Variants in C10orf90 observed in about 807,000 individuals in gnomAD.
The protein encoded by C10orf90 is (E2-independent) E3 ubiquitin-conjugating enzyme FATS.
In C10orf90, 56 loss-of-function variants were observed where a neutral mutation model predicts 62.5. That is an observed-to-expected ratio of 0.90 (90% CI 0.72 to 1.12). The LOEUF is 1.12. C10orf90 is among the 50% of genes most tolerant of loss of function. C10orf90 has a pLI of 0.00. For synonymous variants in C10orf90, 386 were observed against 340.4 expected (o/e 1.13, Z -1.47); for missense variants, 970 against 880.4 (o/e 1.10, Z -1.29).
chr10:126,623,218 T>G (rs1331824368), intron 2 of C10orf90, among the ~76,000 whole-genome samples: 1 of 152,146 alleles, frequency 6.6e-6, no homozygotes, highest in Non-Finnish European at 1.5e-5. Flanking sequence ...ACCATGAGTA[T>G]AAGCTAAAAG....
chr10:126,461,892 A>T (rs1860007300), intron 5 of C10orf90, among the ~76,000 whole-genome samples: 1 of 152,152 alleles, frequency 6.6e-6, no homozygotes, highest in African/African-American at 2.4e-5. Flanking sequence ...TCAGTGCTTC[A>T]TATTAAGTGT....
chr10:126,465,018 C>G (rs773520978), intron 4 of C10orf90, 32 bp from the exon 5 acceptor site: 65 of 1,585,528 alleles, frequency 4.1e-5, no homozygotes, highest in Non-Finnish European at 8.6e-7. Flanking sequence ...TGCTCAAAAT[C>G]TCTTATGAAT....
intron 2 of C10orf90, among the ~76,000 whole-genome samples, chr10:126,587,880 T>C (rs962500610): frequency 2.0e-5 from 3 of 152,166 alleles, no homozygotes; most frequent in Non-Finnish European, 4.4e-5. Flanking sequence ...CCTTGTTGAA[T>C]TACAATTGTG....
chr10:126,668,352 T>C (rs763837632), intron 1 of C10orf90, among the ~76,000 whole-genome samples: 3 of 152,182 alleles, frequency 2.0e-5, no homozygotes, highest in Non-Finnish European at 4.4e-5. Context: ...GGTTAACCAA[T>C]GGCCTTGGAG....
At chr10:126,619,423 T>C (rs2133813598) in intron 2 of C10orf90, among the ~76,000 whole-genome samples, 1 of 152,356 alleles carries the variant, frequency 6.6e-6, no homozygotes, top group South Asian at 2.1e-4. Context: ...TGCATAAGCA[T>C]GTCAACTGCT....
At chr10:126,554,945 T>C (rs141421570) in intron 2 of C10orf90, among the ~76,000 whole-genome samples, 3 of 152,334 alleles carry the variant, frequency 2.0e-5, no homozygotes, top group African/African-American at 7.2e-5. Context: ...ACTTGCTCCT[T>C]GCTTTAATCT....
intron 8 of C10orf90, among the ~76,000 whole-genome samples, chr10:126,427,939 C>T (rs1256868856): frequency 6.6e-6 from 1 of 152,028 alleles, no homozygotes; most frequent in African/African-American, 2.4e-5. Context: ...AACTAATATA[C>T]CTGGGAAGTA....
At chr10:126,442,478 C>CATATAAATATATATATATAT (rs1858411582) in intron 7 of C10orf90, among the ~76,000 whole-genome samples, 1 of 33,810 alleles carries the variant, frequency 3.0e-5, no homozygotes, top group African/African-American at 1.6e-4. Context: ...TTCAATATTT[C>CATATAAATATATATATATAT]ATATATATAT....
intron 4 of C10orf90, among the ~76,000 whole-genome samples, chr10:126,493,568 G>A (rs1161692389): frequency 7.1e-6 from 1 of 141,430 alleles, no homozygotes; most frequent in African/African-American, 2.8e-5. Context: ...TGTTGTCCAG[G>A]CTGGTCTCGA....
chr10:126,488,728 T>A (rs954097834), intron 4 of C10orf90, among the ~76,000 whole-genome samples: 45 of 152,194 alleles, frequency 3.0e-4, no homozygotes, highest in African/African-American at 1.1e-3. Flanking sequence ...TGCCAATAAT[T>A]TAAATAACTT....
At chr10:126,603,071 C>A (rs1564888729) in intron 2 of C10orf90, among the ~76,000 whole-genome samples, 2 of 151,660 alleles carry the variant, frequency 1.3e-5, no homozygotes, top group Non-Finnish European at 2.9e-5. Flanking sequence ...GGGGATGATG[C>A]CTTGCATTAG....
At chr10:126,631,484 A>G (rs1275167237) in intron 2 of C10orf90, among the ~76,000 whole-genome samples, 1 of 151,862 alleles carries the variant, frequency 6.6e-6, no homozygotes, top group Non-Finnish European at 1.5e-5. Context: ...TTGCTCTCTT[A>G]TCTCTTTGTT....
intron 4 of C10orf90, among the ~76,000 whole-genome samples, chr10:126,479,679 G>A (rs1164364560): frequency 2.6e-5 from 4 of 152,164 alleles, no homozygotes; most frequent in Admixed American, 2.6e-4. Flanking sequence ...CCATGAAGAC[G>A]CCTTTCTCCC....
rs754040313 is a variant in C10orf90 at position 126,425,844 on chromosome 10, G to A, written c.*20C>T. 3.7e-6 allele frequency: 6 copies of A among 1,612,852 alleles called. No homozygotes were observed. Among genetic ancestry groups the A allele is most frequent in the Non-Finnish European group, 5.1e-6 (6 of 1,179,592 alleles). On this transcript the variant is annotated 3_prime_UTR_variant, in exon 10 of 10. Coordinates refer to ENST00000488181, the MANE Select transcript of C10orf90 (RefSeq NM_001350921.2). ...AGTCCTCCCAGGTCCAGGTAGTGTG[G>A]TCAGCAGGGCAGCCTGTGGTTAGAC... is the stretch of plus-strand genomic sequence containing the variant.
intron 2 of C10orf90, among the ~76,000 whole-genome samples, chr10:126,612,147 C>T (rs1307442452): frequency 6.6e-6 from 1 of 152,050 alleles, no homozygotes; most frequent in Non-Finnish European, 1.5e-5. Flanking sequence ...ATGGTGAAAC[C>T]CTGTCTCTAA....
rs1269013268 is a variant in C10orf90 at position 126,532,842 on chromosome 10, C to CAAA, written c.314-18906_314-18904dup. 1.7e-4 allele frequency among the ~76,000 whole-genome samples: 2 copies of CAAA among 12,100 alleles called. 1 individual carries two copies. The highest frequency in any genetic ancestry group is 2.8e-4 in the Non-Finnish European group (2 of 7,224). 7.9% of individuals were successfully genotyped at this position (12,100 alleles called of 152,430 possible). On this transcript the variant is annotated intron_variant, in intron 2 of 9. Coordinates refer to ENST00000488181, the MANE Select transcript of C10orf90 (RefSeq NM_001350921.2). ...TGGGCAACAGAGCGAGACTACGTCT[C>CAAA]AAAAAAAAAAAAAAATAGTGAGCAC...
At chr10:126,434,635 G>A (rs1281606518) in intron 7 of C10orf90, among the ~76,000 whole-genome samples, 1 of 152,186 alleles carries the variant, frequency 6.6e-6, no homozygotes, top group Non-Finnish European at 1.5e-5. Context: ...TAGACGTCAA[G>A]TCTCTACCTT....
chr10:126,534,201 C>T (rs945208889), intron 2 of C10orf90, among the ~76,000 whole-genome samples: 1 of 152,210 alleles, frequency 6.6e-6, no homozygotes, highest in Admixed American at 6.5e-5. Context: ...GCAGAACCCA[C>T]CTCCAACCAT....
chr10:126,436,448 C>G (rs1415434905), intron 7 of C10orf90, among the ~76,000 whole-genome samples: 1 of 152,008 alleles, frequency 6.6e-6, no homozygotes, highest in Non-Finnish European at 1.5e-5. Flanking sequence ...AAAAAATGAG[C>G]ATTAGAAAAT....
Sources: gnomAD v4.1 joint callset for allele counts (sites outside exome capture counted in the v4.1 genomes callset) on GRCh38, gnomAD v4.1.1 for gene constraint, MANE v1.5 for transcripts, NCBI Gene and HGNC (gene_info 2026-07-23, HGNC 2026-07-21) for gene names.